TMEM154: variants seen among roughly 807,000 people sequenced by gnomAD.
TMEM154 encodes transmembrane protein 154.
A neutral mutation model predicts 24.5 loss-of-function variants in TMEM154; 27 were observed. The observed-to-expected ratio is 1.10, with a 90% CI of 0.81 to 1.52. The LOEUF is 1.52. Among genes scored for constraint, TMEM154 ranks in the 40% most tolerant of loss-of-function variants. The pLI is 0.00. For synonymous variants in TMEM154, 67 were observed against 76.8 expected (o/e 0.87, Z 0.67); for missense variants, 228 against 213.4 (o/e 1.07, Z -0.43).
intron 1 of TMEM154, chr4:152,669,045 G>A: frequency 6.6e-6 from 1 of 152,152 alleles, no homozygotes. Context: ...TTTGGTGCTA[G>A]TCTCACTCTC....
chr4:152,628,696 G>C (rs1459957482), intron 6 of TMEM154, 135 bp from the exon 7 acceptor site: 1 of 1,139,058 alleles, frequency 8.8e-7, no homozygotes, highest in African/African-American at 1.6e-5. Context: ...GAGCGCAGTG[G>C]CACAATCTCG....
chr4:152,671,336 T>C (rs944659193), intron 1 of TMEM154, among the ~76,000 whole-genome samples: 4 of 151,984 alleles, frequency 2.6e-5, no homozygotes, highest in Non-Finnish European at 4.4e-5. Flanking sequence ...GAAGAACCAC[T>C]GAGGGATGAG....
rs1013364880 is a variant in TMEM154, at chr4:152,619,598, C to T, written c.*8948G>A. 6.6e-6 allele frequency: 1 copy of T among 152,186 alleles called. No individual in the cohort carries two copies. Among genetic ancestry groups the T allele is most frequent in the Non-Finnish European group, 1.5e-5 (1 of 68,036 alleles). 9.4% of individuals were successfully genotyped at this position (152,186 alleles called of 1,614,324 possible). ...GAGTCTAAATTATAAAAATACTATG[C>T]ATTTCTACTTTGCTCTCTTGGGACA... On this transcript the variant is annotated 3_prime_UTR_variant, in exon 7 of 7. Transcript: ENST00000304385.
rs929007296 is a variant in TMEM154, at chr4:152,622,417, G to A, written c.*6129C>T. The stretch of plus-strand genomic sequence containing the variant: ...TAAAAGAACTTTTCCTTAGAAAGAT[G>A]CATAATTCACCTCTACTCTTAGTAA... On this transcript the variant is annotated 3_prime_UTR_variant, in exon 7 of 7. Transcript: ENST00000304385. 2.0e-5 allele frequency: 3 copies of A among 152,022 alleles called. No individual in the cohort carries two copies. The highest frequency in any genetic ancestry group is 7.2e-5 in the African/African-American group (3 of 41,394). The allele number at this position is 152,022 out of a possible 1,614,324, so 9.4% of individuals were successfully genotyped here. A position where few individuals can be genotyped will look rare whatever the true frequency, so the allele number is the denominator to read the frequency against.
At chr4:152,677,334 C>G (rs1300844425) in intron 1 of TMEM154, among the ~76,000 whole-genome samples, 1 of 152,138 alleles carries the variant, frequency 6.6e-6, no homozygotes, top group African/African-American at 2.4e-5. Context: ...GTTGCCTGCT[C>G]GTTGTTAATA....
intron 1 of TMEM154, among the ~76,000 whole-genome samples, chr4:152,677,985 G>GAGCTC (rs1728981674): frequency 6.6e-6 from 1 of 152,196 alleles, no homozygotes; most frequent in Admixed American, 6.5e-5. Flanking sequence ...GGGCACAGCA[G>GAGCTC]CAGGTACGAG....
rs1057160476 is a variant in TMEM154, at chr4:152,650,357, G to A, written c.364+2181C>T. Reference sequence around the variant, plus strand: ...AATGTTCATGGCATCTTCACTAGGAGTAGATTCCATCTCAAAAAAAAAAAC... The same window carrying A: ...AATGTTCATGGCATCTTCACTAGGAATAGATTCCATCTCAAAAAAAAAAAC... On this transcript the variant is annotated intron_variant, in intron 3 of 6. Coordinates refer to ENST00000304385, the MANE Select transcript of TMEM154 (RefSeq NM_152680.3). Among the ~76,000 whole-genome samples the A allele has an allele frequency of 1.5e-4, 23 of 151,214 alleles. 1 individual carries two copies. The highest frequency in any genetic ancestry group is 1.3e-3 in the Admixed American group (19 of 15,180).
chr4:152,653,077 G>T, intron 1 of TMEM154, 150 bp from the exon 2 acceptor site: 1 of 749,480 alleles, frequency 1.3e-6, no homozygotes, highest in Non-Finnish European at 2.1e-6. Context: ...ACAGAACATT[G>T]ATTTAACATA....
At position 152,618,649 on chromosome 4, in the gene TMEM154, G is replaced by A. The variant is rs768984367; in HGVS notation, c.*9897C>T. On this transcript the variant is annotated 3_prime_UTR_variant, in exon 7 of 7. Coordinates refer to ENST00000304385, the MANE Select transcript of TMEM154 (RefSeq NM_152680.3). Reference sequence around the variant, plus strand: ...GATCTGGGTTGGAAAGAGCTGCTTCGAGCATTTTAATGATCAGTTAGGCTC... The same window carrying A: ...GATCTGGGTTGGAAAGAGCTGCTTCAAGCATTTTAATGATCAGTTAGGCTC... 1.3e-5 allele frequency: 2 copies of A among 152,180 alleles called. No individual in the cohort carries two copies. The highest frequency in any genetic ancestry group is 2.1e-4 in the South Asian group (1 of 4,832). 9.4% of individuals were successfully genotyped at this position (152,180 alleles called of 1,614,324 possible). A position where few individuals can be genotyped will look rare whatever the true frequency, so the allele number is the denominator to read the frequency against.
chr4:152,656,423 A>C (rs1728493750), intron 1 of TMEM154, among the ~76,000 whole-genome samples: 1 of 152,076 alleles, frequency 6.6e-6, no homozygotes, highest in South Asian at 2.1e-4. Flanking sequence ...AGTCCCCAGC[A>C]ATACTTCACC....
At chr4:152,647,802 T>C (rs1254552803) in intron 3 of TMEM154, among the ~76,000 whole-genome samples, 2 of 152,174 alleles carry the variant, frequency 1.3e-5, no homozygotes, top group Non-Finnish European at 2.9e-5. Context: ...GATTTGCCTA[T>C]ATAAACCATT....
intron 5 of TMEM154, among the ~76,000 whole-genome samples, chr4:152,641,791 G>A (rs1752261769): frequency 6.7e-6 from 1 of 149,586 alleles, no homozygotes; most frequent in Admixed American, 6.6e-5. Flanking sequence ...AAATAGAATG[G>A]CTTTACAGAG....
At chr4:152,668,020 T>C (rs1728754435) in intron 1 of TMEM154, among the ~76,000 whole-genome samples, 1 of 152,234 alleles carries the variant, frequency 6.6e-6, no homozygotes, top group Non-Finnish European at 1.5e-5. Context: ...TTTGAAACTT[T>C]TATTTTGATG....
chr4:152,642,198 C>G (rs7660250), intron 5 of TMEM154, among the ~76,000 whole-genome samples: 7,632 of 151,970 alleles, frequency 0.05, 231 homozygotes, highest in African/African-American at 0.075. Context: ...GGATTATAGG[C>G]GTGAGCCACC....
At position 152,622,919 on chromosome 4, in the gene TMEM154, T is replaced by G. The variant is rs1283086129; in HGVS notation, c.*5627A>C. The G allele has an allele frequency of 6.6e-6, 1 of 152,262 alleles. No individual in the cohort carries two copies. The highest frequency in any genetic ancestry group is 6.5e-5 in the Admixed American group (1 of 15,282). 9.4% of individuals were successfully genotyped at this position (152,262 alleles called of 1,614,324 possible). A position where few individuals can be genotyped will look rare whatever the true frequency, so the allele number is the denominator to read the frequency against. On this transcript the variant is annotated 3_prime_UTR_variant, in exon 7 of 7. Coordinates refer to ENST00000304385, the MANE Select transcript of TMEM154 (RefSeq NM_152680.3). ...TGGCACAATCTTGGCTCACTGCAACTGCCGCCTCCTGGGTTCAAGTGATTC... is the reference window on the plus strand; with the variant it reads ...TGGCACAATCTTGGCTCACTGCAACGGCCGCCTCCTGGGTTCAAGTGATTC...
intron 6 of TMEM154, among the ~76,000 whole-genome samples, chr4:152,638,127 C>T (rs960160306): frequency 5.9e-5 from 9 of 152,098 alleles, no homozygotes; most frequent in Non-Finnish European, 1.3e-4. Flanking sequence ...ATTAGCCAGG[C>T]ATGGTGGACA....
intron 1 of TMEM154, among the ~76,000 whole-genome samples, chr4:152,662,990 A>C (rs941668207): frequency 6.6e-6 from 1 of 152,114 alleles, no homozygotes; most frequent in African/African-American, 2.4e-5. Flanking sequence ...TGCCCTCTGC[A>C]CCCTTGGGGC....
chr4:152,627,392 C>T lies in TMEM154; in HGVS notation c.*1154G>A, dbSNP rs1247029897. The T allele has an allele frequency of 6.6e-6, 1 of 152,172 alleles. No individual in the cohort carries two copies. Among genetic ancestry groups the T allele is most frequent in the Non-Finnish European group, 1.5e-5 (1 of 68,028 alleles). 9.4% of individuals were successfully genotyped at this position (152,172 alleles called of 1,614,324 possible). On this transcript the variant is annotated 3_prime_UTR_variant, in exon 7 of 7. Transcript: ENST00000304385. ...TGAGGATTCTCAATTTGCTAGATTG[C>T]TTTAAAGGGGTCAGATTTAGAAAAT...
intron 1 of TMEM154, among the ~76,000 whole-genome samples, chr4:152,663,148 C>T (rs1366912315): frequency 2.0e-5 from 3 of 152,190 alleles, no homozygotes; most frequent in South Asian, 2.1e-4. Flanking sequence ...GCACCATACA[C>T]GGGCCAGGTA....
Sources: allele counts gnomAD v4.1 joint callset (sites outside exome capture counted in the v4.1 genomes callset), GRCh38; gene constraint gnomAD v4.1.1; transcripts MANE v1.5; gene names NCBI Gene and HGNC (gene_info 2026-07-23, HGNC 2026-07-21).